Variants in MYRIP observed in about 807,000 individuals in gnomAD.
MYRIP encodes rab effector MyRIP.
A neutral mutation model predicts 98.0 loss-of-function variants in MYRIP; 49 were observed. The ratio of observed to expected loss-of-function variants is 0.50; its 90% CI spans 0.40 to 0.63. MYRIP has a LOEUF of 0.63. MYRIP is among the 30% of genes least tolerant of loss of function. The pLI is 0.00. For missense variants in MYRIP, 1,004 were observed against 1,058.2 expected, an observed-to-expected ratio of 0.95 and a Z score of 0.71; for synonymous variants, 404 against 409.5, an observed-to-expected ratio of 0.99 and a Z score of 0.16.
In MYRIP at chr3:40,177,128, C is replaced by A. The variant is rs578215044; in HGVS notation, c.874-5092C>A. Among the ~76,000 whole-genome samples the A allele has an allele frequency of 4.0e-4, 61 of 151,966 alleles. No individual in the cohort carries two copies. The South Asian group carries it at 0.012, about 29-fold the overall frequency. On this transcript the variant is annotated intron_variant, in intron 8 of 16. Transcript: ENST00000302541. ...ATGGACGCTGGCCAGAACCTGGACA[C>A]GAACCAATGGGCCGAGTTTCAGTTC...
At chr3:40,145,538 AC>A (rs1949990080) in intron 3 of MYRIP, among the ~76,000 whole-genome samples, 1 of 152,152 alleles carries the variant, frequency 6.6e-6, no homozygotes, top group South Asian at 2.1e-4. Context: ...TTTGCCATGG[AC>A]CAGTTGGCGA....
intron 2 of MYRIP, among the ~76,000 whole-genome samples, chr3:40,027,868 A>G (rs1395241022): frequency 6.6e-6 from 1 of 152,092 alleles, no homozygotes; most frequent in East Asian, 1.9e-4. Flanking sequence ...GGGTTTCTGC[A>G]GCTCAGAGGA....
chr3:39,932,608 A>G (rs1011826863), intron 2 of MYRIP, among the ~76,000 whole-genome samples: 2 of 151,884 alleles, frequency 1.3e-5, no homozygotes, highest in African/African-American at 4.8e-5. Context: ...GATGGTCTCG[A>G]TCTCCTGACA....
At chr3:39,962,682 G>C (rs1361581368) in intron 2 of MYRIP, among the ~76,000 whole-genome samples, 1 of 152,018 alleles carries the variant, frequency 6.6e-6, no homozygotes, top group African/African-American at 2.4e-5. Flanking sequence ...CCCACCCAGG[G>C]CTTTTCAATC....
chr3:40,095,569 C>T (rs976383101), intron 3 of MYRIP, among the ~76,000 whole-genome samples: 3 of 152,152 alleles, frequency 2.0e-5, no homozygotes, highest in South Asian at 2.1e-4. Context: ...AAGCCCCTAA[C>T]GATGCTCTCC....
intron 1 of MYRIP, among the ~76,000 whole-genome samples, chr3:39,878,008 C>T (rs1398088687): frequency 1.3e-5 from 2 of 152,238 alleles, no homozygotes; most frequent in Non-Finnish European, 2.9e-5. Context: ...CCAGTTCGAG[C>T]TTCCCGGCTG....
chr3:40,049,788 A>C, intron 3 of MYRIP, among the ~76,000 whole-genome samples: 1 of 152,176 alleles, frequency 6.6e-6, no homozygotes, highest in East Asian at 1.9e-4. Context: ...AAGCTCTTGA[A>C]GGAAGTTAAA....
chr3:40,189,736 C>T (rs1200450457), intron 9 of MYRIP, 90 bp from the exon 10 acceptor site: 21 of 1,366,028 alleles, frequency 1.5e-5, no homozygotes, highest in East Asian at 6.9e-5. Flanking sequence ...GCCCCACAAG[C>T]CACTCTTGGG....
chr3:40,232,784 T>G (rs1952698984), intron 11 of MYRIP: 1 of 152,248 alleles, frequency 6.6e-6, no homozygotes, highest in Non-Finnish European at 1.5e-5. Flanking sequence ...AAATCCGGGT[T>G]GATTGTAATT....
At chr3:40,137,197 G>T (rs1275004362) in intron 3 of MYRIP, among the ~76,000 whole-genome samples, 3 of 152,044 alleles carry the variant, frequency 2.0e-5, no homozygotes, top group Admixed American at 1.3e-4. Context: ...AATGACAAAG[G>T]GGATATCAAC....
At chr3:39,946,607 G>A (rs1944909431) in intron 2 of MYRIP, among the ~76,000 whole-genome samples, 1 of 152,150 alleles carries the variant, frequency 6.6e-6, no homozygotes, top group South Asian at 2.1e-4. Flanking sequence ...CCAACAGCTG[G>A]AAGACAGCAG....
chr3:39,956,521 T>G (rs1010899591), intron 2 of MYRIP, among the ~76,000 whole-genome samples: 1 of 152,112 alleles, frequency 6.6e-6, no homozygotes, highest in Non-Finnish European at 1.5e-5. Flanking sequence ...TGAGACACAT[T>G]CACAGCAGTG....
Position 40,079,129 on chromosome 3 carries a change from T to C in MYRIP, c.332+34858T>C, listed in dbSNP as rs370723104. On this transcript the variant is annotated intron_variant, in intron 3 of 16. Transcript: ENST00000302541. ...GAAAAATATGCTCCCTTGTTGTCAG[T>C]AGAGATGAAGGGATTTTAAATGTGG... is the stretch of plus-strand genomic sequence containing the variant. 6.6e-5 allele frequency among the ~76,000 whole-genome samples: 10 copies of C among 152,300 alleles called. No individual in the cohort carries two copies. In the South Asian group the frequency reaches 2.1e-3, roughly 32 times the overall value.
chr3:40,100,981 T>C (rs1043015053), intron 3 of MYRIP, among the ~76,000 whole-genome samples: 6 of 152,166 alleles, frequency 3.9e-5, no homozygotes, highest in African/African-American at 1.4e-4. Flanking sequence ...TCTTGACTTA[T>C]TGAAAAGAAA....
intron 1 of MYRIP, among the ~76,000 whole-genome samples, chr3:39,851,269 T>A (rs1367522282): frequency 6.6e-6 from 1 of 152,160 alleles, no homozygotes; most frequent in African/African-American, 2.4e-5. Flanking sequence ...AGCAATGAAG[T>A]CTCTACCTCC....
chr3:40,034,423 G>A (rs1358109097), intron 2 of MYRIP, among the ~76,000 whole-genome samples: 1 of 152,034 alleles, frequency 6.6e-6, no homozygotes, highest in Non-Finnish European at 1.5e-5. Context: ...GATATGAACA[G>A]ACACTTCTCA....
At chr3:40,036,314 A>AAC (rs1553607296) in intron 2 of MYRIP, among the ~76,000 whole-genome samples, 1 of 148,700 alleles carries the variant, frequency 6.7e-6, no homozygotes, top group Non-Finnish European at 1.5e-5. Flanking sequence ...AAAAAAAAAA[A>AAC]AAAAAAAAAA....
chr3:39,956,907 A>G (rs986871359), intron 2 of MYRIP, among the ~76,000 whole-genome samples: 2 of 151,798 alleles, frequency 1.3e-5, no homozygotes, highest in Non-Finnish European at 1.5e-5. Context: ...ACACCCCTAC[A>G]CAAATAAACT....
chr3:40,193,432 A>G (rs914300268), intron 10 of MYRIP, among the ~76,000 whole-genome samples: 1 of 152,198 alleles, frequency 6.6e-6, no homozygotes, highest in Admixed American at 6.5e-5. Flanking sequence ...CTGTTCCATA[A>G]TGATGGGTAT....
Sources: gnomAD v4.1 joint callset for allele counts (sites outside exome capture counted in the v4.1 genomes callset) on GRCh38, gnomAD v4.1.1 for gene constraint, MANE v1.5 for transcripts, NCBI Gene and HGNC (gene_info 2026-07-23, HGNC 2026-07-21) for gene names.